The following FHIT variants were observed in gnomAD, a reference collection of about 807,000 sequenced individuals.
The protein encoded by FHIT is bis(5'-adenosyl)-triphosphatase.
In FHIT, 19 loss-of-function variants were observed where a neutral mutation model predicts 17.9. The ratio of observed to expected loss-of-function variants is 1.06; its 90% CI spans 0.74 to 1.56. FHIT has a LOEUF of 1.56. FHIT is among the 40% of genes most tolerant of loss of function. FHIT has a pLI of 0.00. For missense variants in FHIT, 248 were observed against 189.2 expected, an observed-to-expected ratio of 1.31 and a Z score of -1.82; for synonymous variants, 81 against 69.7, an observed-to-expected ratio of 1.16 and a Z score of -0.81.
chr3:60,980,805 T>C (rs141628249), intron 3 of FHIT, among the ~76,000 whole-genome samples: 8 of 152,218 alleles, frequency 5.3e-5, no homozygotes, highest in African/African-American at 1.9e-4. Flanking sequence ...CTTTTAATTC[T>C]GAATTTCAAC....
chr3:60,716,512 G>A (rs192875412), intron 4 of FHIT, among the ~76,000 whole-genome samples: 1 of 152,024 alleles, frequency 6.6e-6, no homozygotes, highest in African/African-American at 2.4e-5. Flanking sequence ...CAACTGGCAG[G>A]TCTTCAGGGG....
chr3:59,917,515 A>C (rs1446742039), intron 8 of FHIT, among the ~76,000 whole-genome samples: 1 of 152,212 alleles, frequency 6.6e-6, no homozygotes, highest in African/African-American at 2.4e-5. Context: ...GGTCATTACC[A>C]TAATCTTCAT....
intron 5 of FHIT, among the ~76,000 whole-genome samples, chr3:60,423,458 T>C (rs1217806822): frequency 5.3e-5 from 8 of 152,094 alleles, no homozygotes; most frequent in African/African-American, 1.9e-4. Flanking sequence ...TATATAATTA[T>C]CAGGAGAATA....
chr3:60,738,578 C>T (rs537752196), intron 4 of FHIT, among the ~76,000 whole-genome samples: 1 of 152,336 alleles, frequency 6.6e-6, no homozygotes, highest in Admixed American at 6.5e-5. Context: ...TCAGAGGCCA[C>T]CTTGATGCAT....
In FHIT at chr3:60,786,557, G is replaced by A. The variant is rs1358183269; in HGVS notation, c.-18+35362C>T. ...TCTAAAATGGAGATAATCCTAAAACGTACCTCACAGGAACCTTGTGAAGAT... is the reference window on the plus strand; with the variant it reads ...TCTAAAATGGAGATAATCCTAAAACATACCTCACAGGAACCTTGTGAAGAT... On this transcript the variant is annotated intron_variant, in intron 4 of 9. Transcript: ENST00000492590. Among the ~76,000 whole-genome samples the A allele has an allele frequency of 4.6e-5, 7 of 152,072 alleles. No homozygotes were observed. In the East Asian group the frequency reaches 7.7e-4, roughly 17 times the overall value.
chr3:60,274,723 A>T lies in FHIT; in HGVS notation c.104-260571T>A, dbSNP rs534695355. Among the ~76,000 whole-genome samples the T allele has an allele frequency of 2.0e-5, 3 of 152,284 alleles. No individual in the cohort carries two copies. The East Asian group carries it at 5.8e-4, about 29-fold the overall frequency. ...TAGTCTCTTGGACTCCACTAAAATG[A>T]GTCTGTTCAGGTCTACTACAAAACA... On this transcript the variant is annotated intron_variant, in intron 5 of 9. Coordinates refer to ENST00000492590, the MANE Select transcript of FHIT (RefSeq NM_002012.4).
At chr3:59,785,757 T>C (rs925660264) in intron 8 of FHIT, among the ~76,000 whole-genome samples, 1 of 152,220 alleles carries the variant, frequency 6.6e-6, no homozygotes, top group Non-Finnish European at 1.5e-5. Context: ...AAGGAGTTAC[T>C]TAAATTTGCA....
intron 7 of FHIT, among the ~76,000 whole-genome samples, chr3:59,992,411 G>C (rs925595068): frequency 1.3e-5 from 2 of 152,056 alleles, no homozygotes; most frequent in African/African-American, 4.8e-5. Flanking sequence ...TCAATTTGTA[G>C]GATATTTCAA....
At chr3:61,179,008 C>CTTTTTTTTTTTTT (rs778191387) in intron 2 of FHIT, among the ~76,000 whole-genome samples, 35 of 127,620 alleles carry the variant, frequency 2.7e-4, no homozygotes, top group Non-Finnish European at 4.2e-4. Flanking sequence ...TTTTCTTTTT[C>CTTTTTTTTTTTTT]TTTTTTTTTT....
In FHIT at chr3:60,860,843, C is replaced by A. The variant is rs1195773885; in HGVS notation, c.-110-38832G>T. On this transcript the variant is annotated intron_variant, in intron 3 of 9. Transcript: ENST00000492590. ...ATATATGATACATATGTACATATAT[C>A]AGGTATATATGAACATATGTACATA... Among the ~76,000 whole-genome samples, 5 of 31,992 alleles carry A rather than the reference C, an allele frequency of 1.6e-4. 1 individual carries two copies. The highest frequency in any genetic ancestry group is 4.0e-4 in the Non-Finnish European group (5 of 12,396). 21.0% of individuals were successfully genotyped at this position (31,992 alleles called of 152,430 possible). A position where few individuals can be genotyped will look rare whatever the true frequency, so the allele number is the denominator to read the frequency against.
intron 5 of FHIT, among the ~76,000 whole-genome samples, chr3:60,021,230 G>C (rs145845432): frequency 9.2e-5 from 14 of 152,264 alleles, no homozygotes; most frequent in Non-Finnish European, 1.3e-4. Flanking sequence ...GATATGATGA[G>C]ACCTTGTTCA....
intron 4 of FHIT, among the ~76,000 whole-genome samples, chr3:60,621,321 TG>T (rs1199808418): frequency 6.6e-6 from 1 of 151,878 alleles, no homozygotes; most frequent in Non-Finnish European, 1.5e-5. Context: ...GCTACTTTTT[TG>T]TATTTTTAGT....
chr3:60,327,409 G>A (rs111474587), intron 5 of FHIT, among the ~76,000 whole-genome samples: 20 of 152,154 alleles, frequency 1.3e-4, no homozygotes, highest in African/African-American at 4.1e-4. Context: ...CAGCTACTTA[G>A]CTCTGACACC....
intron 4 of FHIT, among the ~76,000 whole-genome samples, chr3:60,606,673 T>C (rs1553671366): frequency 6.6e-6 from 1 of 152,160 alleles, no homozygotes; most frequent in East Asian, 1.9e-4. Context: ...TTTTCTGCTG[T>C]AATGGAAAAA....
intron 4 of FHIT, among the ~76,000 whole-genome samples, chr3:60,542,202 T>G (rs1371808483): frequency 6.6e-6 from 1 of 152,232 alleles, no homozygotes; most frequent in Non-Finnish European, 1.5e-5. Context: ...AACAATTCCT[T>G]CACTGCATTC....
chr3:60,361,405 CTG>C lies in FHIT; in HGVS notation c.103+175453_103+175454del, dbSNP rs771104495. ...TCAAAGGCACGTACACAAAAAAATC[CTG>C]TGTTTTATAAGTAAAAGACACCCCC... On this transcript the variant is annotated intron_variant, in intron 5 of 9. Coordinates refer to ENST00000492590, the MANE Select transcript of FHIT (RefSeq NM_002012.4). 2.0e-5 allele frequency among the ~76,000 whole-genome samples: 3 copies of C among 152,220 alleles called. No homozygotes were observed. In the East Asian group the frequency reaches 5.8e-4, roughly 29 times the overall value.
At chr3:60,530,711 A>G (rs1398309927) in intron 5 of FHIT, among the ~76,000 whole-genome samples, 2 of 152,194 alleles carry the variant, frequency 1.3e-5, no homozygotes, top group Non-Finnish European at 2.9e-5. Context: ...GTAATTCTTT[A>G]GATGGCAAGT....
At chr3:60,328,646 T>C (rs1709818512) in intron 5 of FHIT, among the ~76,000 whole-genome samples, 1 of 152,088 alleles carries the variant, frequency 6.6e-6, no homozygotes, top group Non-Finnish European at 1.5e-5. Context: ...CCAAACCATA[T>C]CAATCATCCT....
intron 3 of FHIT, among the ~76,000 whole-genome samples, chr3:60,849,371 C>A (rs1703049630): frequency 6.6e-6 from 1 of 150,910 alleles, no homozygotes; most frequent in Non-Finnish European, 1.5e-5. Context: ...AACAATGAGA[C>A]ATCTACCTCT....
Sources: allele counts gnomAD v4.1 joint callset (sites outside exome capture counted in the v4.1 genomes callset), GRCh38; gene constraint gnomAD v4.1.1; transcripts MANE v1.5; gene names NCBI Gene and HGNC (gene_info 2026-07-23, HGNC 2026-07-21).